The following ASRGL1 variants were observed in gnomAD, a reference collection of about 807,000 sequenced individuals.
ASRGL1 encodes asparaginase and isoaspartyl peptidase 1, also known as isoaspartyl peptidase/L-asparaginase.
In ASRGL1, 16 loss-of-function variants were observed where a neutral mutation model predicts 22.4. The ratio of observed to expected loss-of-function variants is 0.71; its 90% CI spans 0.48 to 1.08. The LOEUF is 1.08. ASRGL1 is among the 50% of genes least tolerant of loss of function. The pLI is 0.00. For synonymous variants in ASRGL1, 165 were observed against 159.3 expected (o/e 1.04, Z -0.27); for missense variants, 412 against 410.1 (o/e 1.00, Z -0.04).
chr11:62,376,825 TC>T (rs552861402), intron 4 of ASRGL1, among the ~76,000 whole-genome samples: 234 of 152,338 alleles, frequency 1.5e-3, no homozygotes, highest in African/African-American at 5.0e-3. Flanking sequence ...TTTGATTTTT[TC>T]TGGAACTCCC....
intron 4 of ASRGL1, among the ~76,000 whole-genome samples, chr11:62,387,059 ATTT>A (rs55647741): frequency 2.1e-5 from 3 of 143,696 alleles, no homozygotes; most frequent in Non-Finnish European, 4.5e-5. Flanking sequence ...CACTTAGCTA[ATTT>A]TTTTTTTTTT....
At chr11:62,365,343 C>T (rs2134638843) in intron 4 of ASRGL1, among the ~76,000 whole-genome samples, 1 of 151,534 alleles carries the variant, frequency 6.6e-6, no homozygotes, top group Non-Finnish European at 1.5e-5. Flanking sequence ...CACCTGAGAT[C>T]AGGAGTTTGA....
Position 62,371,399 on chromosome 11 carries a change from C to G in ASRGL1, c.491+14255C>G, listed in dbSNP as rs1017397399. 4 of 590,894 alleles carry G rather than the reference C, an allele frequency of 6.8e-6. No homozygotes were observed. In the African/African-American group the frequency reaches 7.9e-5, roughly 12 times the overall value. The allele number at this position is 590,894 out of a possible 1,614,324, so 36.6% of individuals were successfully genotyped here. Reference sequence around the variant, plus strand: ...GGTGCGGCTGTGGTGGTCGCCGAACCCGAGCACACCAAGAAGCACGTCAAA... The same window carrying G: ...GGTGCGGCTGTGGTGGTCGCCGAACGCGAGCACACCAAGAAGCACGTCAAA... On this transcript the variant is annotated intron_variant, in intron 4 of 6. Transcript: ENST00000415229.
rs377092531 is a variant in ASRGL1, at chr11:62,377,762, A to G, written c.492-11371A>G. 3.3e-5 allele frequency among the ~76,000 whole-genome samples: 5 copies of G among 152,130 alleles called. No homozygotes were observed. The South Asian group carries it at 1.0e-3, about 31-fold the overall frequency. On this transcript the variant is annotated intron_variant, in intron 4 of 6. Transcript: ENST00000415229. Reference sequence around the variant, plus strand: ...ATTTTGTCTGGGTCATTTCCACACAATTTTATTATTCGTAATTTTGCCTGA... The same window carrying G: ...ATTTTGTCTGGGTCATTTCCACACAGTTTTATTATTCGTAATTTTGCCTGA...
At chr11:62,344,984 T>C (rs924124099) in intron 2 of ASRGL1, among the ~76,000 whole-genome samples, 1 of 152,226 alleles carries the variant, frequency 6.6e-6, no homozygotes, top group Non-Finnish European at 1.5e-5. Flanking sequence ...TTTCTTTTTG[T>C]GCCTGACTTA....
At position 62,393,332 on chromosome 11, in the gene ASRGL1, T is replaced by C. The variant is rs1283362073; in HGVS notation, c.*1048T>C. On this transcript the variant is annotated 3_prime_UTR_variant, in exon 7 of 7. Coordinates refer to ENST00000415229, the MANE Select transcript of ASRGL1 (RefSeq NM_001083926.2). ...ATCATCCGTGCTCAACGTTTTAGTC[T>C]GTCAGGCTCACCTTCTCTCTGGAAA... is the stretch of plus-strand genomic sequence containing the variant. 6.6e-6 allele frequency: 1 copy of C among 152,260 alleles called. No homozygotes were observed. The highest frequency in any genetic ancestry group is 2.4e-5 in the African/African-American group (1 of 41,468). 9.4% of individuals were successfully genotyped at this position (152,260 alleles called of 1,614,324 possible).
At chr11:62,377,254 G>T (rs1402325517) in intron 4 of ASRGL1, among the ~76,000 whole-genome samples, 1 of 152,150 alleles carries the variant, frequency 6.6e-6, no homozygotes, top group African/African-American at 2.4e-5. Context: ...CCAAATATGA[G>T]TAATGTAAAA....
intron 2 of ASRGL1, among the ~76,000 whole-genome samples, chr11:62,350,237 CT>C (rs1946138219): frequency 6.6e-6 from 1 of 151,972 alleles, no homozygotes; most frequent in African/African-American, 2.4e-5. Context: ...ATTTTTGCCC[CT>C]GAGATCCATC....
chr11:62,381,688 G>A (rs968877713), intron 4 of ASRGL1: 2 of 152,036 alleles, frequency 1.3e-5, no homozygotes, highest in Non-Finnish European at 2.9e-5. Context: ...TTGAAATAGC[G>A]TGATTAGATT....
At chr11:62,346,298 C>T (rs1946018656) in intron 2 of ASRGL1, among the ~76,000 whole-genome samples, 1 of 152,108 alleles carries the variant, frequency 6.6e-6, no homozygotes, top group South Asian at 2.1e-4. Context: ...AGGATACAGA[C>T]AGGGAGATGA....
chr11:62,355,622 C>CTTTT (rs56828559), intron 2 of ASRGL1, among the ~76,000 whole-genome samples: 6 of 131,940 alleles, frequency 4.5e-5, no homozygotes, highest in South Asian at 2.4e-4. Flanking sequence ...TTTCTAAATT[C>CTTTT]TTTTTTTTTT....
chr11:62,373,402 A>G (rs1181687012), intron 4 of ASRGL1, among the ~76,000 whole-genome samples: 1 of 151,928 alleles, frequency 6.6e-6, no homozygotes, highest in Non-Finnish European at 1.5e-5. Context: ...GAATTAAAAT[A>G]CTTGCTCGTA....
At chr11:62,375,954 T>C (rs767908366) in intron 4 of ASRGL1, among the ~76,000 whole-genome samples, 5 of 151,730 alleles carry the variant, frequency 3.3e-5, no homozygotes, top group Non-Finnish European at 5.9e-5. Context: ...ATAGAAAAAT[T>C]AGCTGGGCGT....
At chr11:62,357,928 G>T (rs1946341418) in intron 4 of ASRGL1, among the ~76,000 whole-genome samples, 2 of 152,142 alleles carry the variant, frequency 1.3e-5, no homozygotes, top group Admixed American at 1.3e-4. Context: ...ATCACCTAGG[G>T]AGCTTTTTCA....
At chr11:62,384,524 T>G (rs1436885845) in intron 4 of ASRGL1, among the ~76,000 whole-genome samples, 1 of 152,028 alleles carries the variant, frequency 6.6e-6, no homozygotes, top group Non-Finnish European at 1.5e-5. Flanking sequence ...AAAAAGTAGA[T>G]TTTAGGTACT....
At chr11:62,392,027 T>G in intron 6 of ASRGL1, 52 bp from the exon 7 acceptor site, 36 of 1,584,264 alleles carry the variant, frequency 2.3e-5, no homozygotes, top group Non-Finnish European at 2.9e-5. Flanking sequence ...GATTTTCCCA[T>G]GAGATTCCTT....
intron 2 of ASRGL1, among the ~76,000 whole-genome samples, chr11:62,339,691 G>T (rs1019617389): frequency 7.2e-5 from 11 of 152,148 alleles, no homozygotes; most frequent in African/African-American, 2.7e-4. Flanking sequence ...CTTAAACTCA[G>T]TTGAGTTAAA....
chr11:62,345,669 G>A (rs983556370), intron 2 of ASRGL1, among the ~76,000 whole-genome samples: 1 of 152,022 alleles, frequency 6.6e-6, no homozygotes, highest in Non-Finnish European at 1.5e-5. Context: ...CCCTCCTCAG[G>A]CTTGATAATT....
At chr11:62,372,977 G>T in intron 4 of ASRGL1, 1 of 1,438,022 alleles carries the variant, frequency 7.0e-7, no homozygotes, top group Non-Finnish European at 9.8e-7. Context: ...GCCCATCACC[G>T]ACCTTTGGGG....
Sources: gnomAD v4.1 joint callset for allele counts (sites outside exome capture counted in the v4.1 genomes callset) on GRCh38, gnomAD v4.1.1 for gene constraint, MANE v1.5 for transcripts, NCBI Gene and HGNC (gene_info 2026-07-23, HGNC 2026-07-21) for gene names.